CNOT6L: variants seen among roughly 807,000 people sequenced by gnomAD.
CNOT6L encodes CCR4-NOT transcription complex subunit 6 like, also known as CCR4-NOT transcription complex subunit 6-like.
CNOT6L carries 7 observed loss-of-function variants against 64.0 expected under a neutral mutation model. That is an observed-to-expected ratio of 0.11 (90% CI 0.06 to 0.21). CNOT6L has a LOEUF of 0.21. Ranked by LOEUF, CNOT6L falls within the 10% of genes least tolerant of loss-of-function variation. The pLI is 1.00. For missense variants in CNOT6L, 245 were observed against 669.0 expected (o/e 0.37, Z 6.99); for synonymous variants, 193 against 243.4 (o/e 0.79, Z 1.93).
chr4:77,757,485 G>T (rs1274199707), intron 4 of CNOT6L, among the ~76,000 whole-genome samples: 1 of 152,160 alleles, frequency 6.6e-6, no homozygotes, highest in Non-Finnish European at 1.5e-5. Flanking sequence ...GAATGTGTGA[G>T]TACTAAGAGT....
At chr4:77,720,854 C>T (rs893788935) in intron 11 of CNOT6L, among the ~76,000 whole-genome samples, 10 of 152,052 alleles carry the variant, frequency 6.6e-5, no homozygotes, top group Non-Finnish European at 1.3e-4. Context: ...AATTATAAAT[C>T]CTTCCATTTG....
rs1721075947 is a variant in CNOT6L, at chr4:77,719,522, T to C, written c.*909A>G. 1 of 152,588 alleles carries C rather than the reference T, an allele frequency of 6.6e-6. No individual in the cohort carries two copies. Among genetic ancestry groups the C allele is most frequent in the Admixed American group, 6.6e-5 (1 of 15,266 alleles). The allele number at this position is 152,588 out of a possible 1,614,324, so 9.5% of individuals were successfully genotyped here. On this transcript the variant is annotated 3_prime_UTR_variant, in exon 12 of 12. Transcript: ENST00000504123. ...GCAGACTTTTTTCTTCTTTTAACATTTGACTATAATGGCAAAAATGACATA... is the reference window on the plus strand; with the variant it reads ...GCAGACTTTTTTCTTCTTTTAACATCTGACTATAATGGCAAAAATGACATA...
chr4:77,818,800 G>C (rs866390409), intron 1 of CNOT6L, among the ~76,000 whole-genome samples: 6 of 151,844 alleles, frequency 4.0e-5, no homozygotes, highest in Non-Finnish European at 5.9e-5. Context: ...AGGTGGGCGG[G>C]CGCCCAGGCA....
At chr4:77,759,726 C>T (rs1336884417) in intron 4 of CNOT6L, among the ~76,000 whole-genome samples, 1 of 152,140 alleles carries the variant, frequency 6.6e-6, no homozygotes, top group African/African-American at 2.4e-5. Context: ...AGACTTCAAA[C>T]ACTCCTATGG....
chr4:77,798,163 C>A (rs1316350399), intron 1 of CNOT6L, among the ~76,000 whole-genome samples: 1 of 151,928 alleles, frequency 6.6e-6, no homozygotes, highest in Non-Finnish European at 1.5e-5. Context: ...CCCGTCTTTA[C>A]AAAGTAATAC....
chr4:77,751,745 G>A (rs2109979227), intron 5 of CNOT6L, among the ~76,000 whole-genome samples: 1 of 152,270 alleles, frequency 6.6e-6, no homozygotes, highest in South Asian at 2.1e-4. Context: ...TATTTTTCAA[G>A]GACTGAAAGA....
At chr4:77,792,609 C>A (rs981409166) in intron 1 of CNOT6L, among the ~76,000 whole-genome samples, 13 of 151,808 alleles carry the variant, frequency 8.6e-5, no homozygotes, top group African/African-American at 3.1e-4. Flanking sequence ...TCCTGTAATT[C>A]CAGCTAACTG....
chr4:77,817,334 G>T (rs1329323084), intron 1 of CNOT6L, among the ~76,000 whole-genome samples: 1 of 152,010 alleles, frequency 6.6e-6, no homozygotes, highest in Non-Finnish European at 1.5e-5. Context: ...TATACCTTTT[G>T]TATACTGAAG....
intron 1 of CNOT6L, among the ~76,000 whole-genome samples, chr4:77,785,393 C>T (rs1451022884): frequency 6.6e-6 from 1 of 151,868 alleles, no homozygotes; most frequent in African/African-American, 2.4e-5. Flanking sequence ...ACATAAAAAG[C>T]ATGATCCATA....
At chr4:77,766,451 C>G (rs1007922006) in intron 4 of CNOT6L, among the ~76,000 whole-genome samples, 1 of 151,806 alleles carries the variant, frequency 6.6e-6, no homozygotes, top group Non-Finnish European at 1.5e-5. Context: ...AACAGAAGTA[C>G]GCCCAGTATT....
At chr4:77,793,285 C>A (rs757308724) in intron 1 of CNOT6L, among the ~76,000 whole-genome samples, 33 of 152,110 alleles carry the variant, frequency 2.2e-4, no homozygotes, top group Non-Finnish European at 4.0e-4. Context: ...ACAGCTATTC[C>A]ACCAAAGGCT....
Position 77,794,020 on chromosome 4 carries a change from T to C in CNOT6L, c.6-17628A>G, listed in dbSNP as rs372758885. ...ACAAAAAATTAGCCGGGCATGGTAG[T>C]GGGCACCTGTAATCCCAGTTACTTG... is the stretch of plus-strand genomic sequence containing the variant. On this transcript the variant is annotated intron_variant, in intron 1 of 11. Coordinates refer to ENST00000504123, the MANE Select transcript of CNOT6L (RefSeq NM_144571.3). 9.9e-5 allele frequency among the ~76,000 whole-genome samples: 15 copies of C among 151,222 alleles called. No homozygotes were observed. In the East Asian group the frequency reaches 2.0e-3, roughly 20 times the overall value.
At chr4:77,769,105 A>G (rs944462052) in intron 4 of CNOT6L, among the ~76,000 whole-genome samples, 1 of 152,228 alleles carries the variant, frequency 6.6e-6, no homozygotes, top group African/African-American at 2.4e-5. Flanking sequence ...AACTGTCATT[A>G]GATGTATGCA....
In CNOT6L at chr4:77,718,460, C is replaced by A. The variant is rs1720968051; in HGVS notation, c.*1971G>T. ...GGGAAACCTGCATGTTGAGGAAAAT[C>A]TGTCATCTTAAGGGTTGTTTCTTTT... On this transcript the variant is annotated 3_prime_UTR_variant, in exon 12 of 12. Coordinates refer to ENST00000504123, the MANE Select transcript of CNOT6L (RefSeq NM_144571.3). 1 of 152,594 alleles carries A rather than the reference C, an allele frequency of 6.6e-6. No homozygotes were observed. Among genetic ancestry groups the A allele is most frequent in the African/African-American group, 2.4e-5 (1 of 41,446 alleles). 9.5% of individuals were successfully genotyped at this position (152,594 alleles called of 1,614,324 possible). A position where few individuals can be genotyped will look rare whatever the true frequency, so the allele number is the denominator to read the frequency against.
rs566399259 is a variant in CNOT6L, at chr4:77,748,254, G to A, written c.559+62C>T. The A allele has an allele frequency of 1.7e-4, 193 of 1,107,218 alleles. No individual in the cohort carries two copies. The South Asian group carries it at 2.3e-3, about 13-fold the overall frequency. The allele number at this position is 1,107,218 out of a possible 1,614,324, so 68.6% of individuals were successfully genotyped here. ...TGAAGTCTTATTTATTACAGATCAT[G>A]AAGCCCAAATAACATTTTAAGAATT... is the stretch of plus-strand genomic sequence containing the variant. On this transcript the variant is annotated intron_variant, in intron 6 of 11. Coordinates refer to ENST00000504123, the MANE Select transcript of CNOT6L (RefSeq NM_144571.3).
At chr4:77,776,025 T>C (rs1209778231) in intron 2 of CNOT6L, among the ~76,000 whole-genome samples, 1 of 152,152 alleles carries the variant, frequency 6.6e-6, no homozygotes, top group Non-Finnish European at 1.5e-5. Flanking sequence ...TCAAAGAAAC[T>C]GGTTTTACTT....
chr4:77,769,141 T>A (rs1292560487), intron 4 of CNOT6L, among the ~76,000 whole-genome samples: 1 of 152,130 alleles, frequency 6.6e-6, no homozygotes, highest in Non-Finnish European at 1.5e-5. Context: ...CATAAAAACA[T>A]AAGGCTGAAT....
rs1221319992 is a variant in CNOT6L at position 77,725,655 on chromosome 4, A to G, written c.1455+512T>C. Among the ~76,000 whole-genome samples the G allele has an allele frequency of 2.6e-5, 4 of 152,328 alleles. No individual in the cohort carries two copies. The East Asian group carries it at 7.7e-4, about 29-fold the overall frequency. ...CACAGATATAAAGTAGAACCAAAGT[A>G]CAACCTGCTCTAACCCCATACCCAA... On this transcript the variant is annotated intron_variant, in intron 11 of 11. Coordinates refer to ENST00000504123, the MANE Select transcript of CNOT6L (RefSeq NM_144571.3).
chr4:77,756,112 A>T (rs1056636464), intron 5 of CNOT6L, among the ~76,000 whole-genome samples: 13 of 151,922 alleles, frequency 8.6e-5, no homozygotes, highest in Non-Finnish European at 1.3e-4. Context: ...GCCTCCAGAG[A>T]AGCTTGGATT....
Sources: allele counts gnomAD v4.1 joint callset (sites outside exome capture counted in the v4.1 genomes callset), GRCh38; gene constraint gnomAD v4.1.1; transcripts MANE v1.5; gene names NCBI Gene and HGNC (gene_info 2026-07-23, HGNC 2026-07-21).